The following ZNF680 variants were observed in gnomAD, a reference collection of about 807,000 sequenced individuals.
ZNF680 encodes the protein hypothetical protein FLJ90430.
ZNF680 carries 6 observed loss-of-function variants against 12.1 expected under a neutral mutation model. The ratio of observed to expected loss-of-function variants is 0.49; its 90% CI spans 0.27 to 0.98. ZNF680 has a LOEUF of 0.98. Ranked by LOEUF, ZNF680 falls within the 50% of genes least tolerant of loss-of-function variation. The pLI, the probability that ZNF680 is intolerant of heterozygous loss-of-function variation, is 0.12. For missense variants in ZNF680, 561 were observed against 616.3 expected, an observed-to-expected ratio of 0.91 and a Z score of 0.95; for synonymous variants, 170 against 199.3, an observed-to-expected ratio of 0.85 and a Z score of 1.24.
At chr7:64,552,913 G>A (rs1390367011) in intron 1 of ZNF680, among the ~76,000 whole-genome samples, 2 of 152,148 alleles carry the variant, frequency 1.3e-5, no homozygotes, top group Admixed American at 1.3e-4. Flanking sequence ...ATCACCTGAG[G>A]TCAGGAGTTC....
In ZNF680 at chr7:64,521,190, T is replaced by C; in HGVS notation, c.1564A>G (p.Lys522Glu). 6.2e-7 allele frequency: 1 copy of C among 1,609,860 alleles called. No individual in the cohort carries two copies. The change falls in exon 4 of 4, where the codon AAA (lysine) becomes GAA (glutamate). Residue 522 changes from lysine (K) to glutamate (E), a missense_variant. By Grantham distance (56) the Lys-to-Glu change is moderately conservative (BLOSUM62 1). Transcript: ENST00000309683. Reference sequence around the variant, plus strand: ...GTGTTATCAAAATTATTGTCACATTTTTCAGGTTTGTAGAGTTTCTCACCA... The same window carrying C: ...GTGTTATCAAAATTATTGTCACATTCTTCAGGTTTGTAGAGTTTCTCACCA... Reference protein sequence around the residue: ...HTGEKLYKPEKCDNNFDNT With the variant: ...HTGEKLYKPEECDNNFDNT
intron 1 of ZNF680, among the ~76,000 whole-genome samples, chr7:64,548,673 C>T (rs1468571590): frequency 1.3e-5 from 2 of 152,050 alleles, no homozygotes; most frequent in East Asian, 1.9e-4. Flanking sequence ...GAGACAGAAG[C>T]ATAATTAACC....
intron 3 of ZNF680, among the ~76,000 whole-genome samples, chr7:64,531,611 A>AAAC: frequency 6.6e-6 from 1 of 151,752 alleles, no homozygotes; most frequent in Non-Finnish European, 1.5e-5. Context: ...AAAAAAAAAA[A>AAAC]AAAACCTAGA....
chr7:64,507,543 G>C, the ZNF680 span, among the ~76,000 whole-genome samples: 2 of 148,838 alleles, frequency 1.3e-5, no homozygotes, highest in Non-Finnish European at 3.0e-5. Context: ...ACGGAGTTTC[G>C]CTCTTGTCAC....
chr7:64,499,149 T>TAA, the ZNF680 span, among the ~76,000 whole-genome samples: 1 of 152,180 alleles, frequency 6.6e-6, no homozygotes, highest in Non-Finnish European at 1.5e-5. Flanking sequence ...ATACACCCAC[T>TAA]AAACTATAAT....
chr7:64,560,809 C>CAA (rs34903742), intron 1 of ZNF680: 32,100 of 126,132 alleles, frequency 0.25, 3,630 homozygotes, highest in South Asian at 0.31. Flanking sequence ...GAGACTGTCT[C>CAA]AAAAAAAAAA....
chr7:64,506,717 T>G, the ZNF680 span, among the ~76,000 whole-genome samples: 2 of 152,206 alleles, frequency 1.3e-5, no homozygotes, highest in Admixed American at 6.5e-5. Flanking sequence ...TTAAAATAAT[T>G]ATTTTCTGTT....
At chr7:64,536,533 C>T (rs76888388) in intron 3 of ZNF680, among the ~76,000 whole-genome samples, 84 of 152,250 alleles carry the variant, frequency 5.5e-4, no homozygotes, top group Middle Eastern at 3.4e-3. Context: ...ACGAGGATGG[C>T]GTCATGCCAT....
At chr7:64,562,664 G>A (rs1378218320) in intron 1 of ZNF680, among the ~76,000 whole-genome samples, 2 of 152,246 alleles carry the variant, frequency 1.3e-5, no homozygotes, top group Non-Finnish European at 2.9e-5. Flanking sequence ...ATGCGGCACT[G>A]CGGGTGCAGA....
In ZNF680 at chr7:64,520,552, T is replaced by C. The variant is rs564643608; in HGVS notation, c.*609A>G. 3 of 152,002 alleles carry C rather than the reference T, an allele frequency of 2.0e-5. No homozygotes were observed. The highest frequency in any genetic ancestry group is 2.0e-4 in the Admixed American group (3 of 15,276). The allele number at this position is 152,002 out of a possible 1,614,324, so 9.4% of individuals were successfully genotyped here. The stretch of plus-strand genomic sequence containing the variant: ...TGGATTAAATATTTTTCATACTTAC[T>C]GCATCTGCAAAAACACATTTCAATA... On this transcript the variant is annotated 3_prime_UTR_variant, in exon 4 of 4. Transcript: ENST00000309683.
rs1281954023 is a variant in ZNF680 at position 64,521,889 on chromosome 7, T to C, written c.865A>G (p.Thr289Ala). 2 of 1,613,424 alleles carry C rather than the reference T, an allele frequency of 1.2e-6. No individual in the cohort carries two copies. Among genetic ancestry groups the C allele is most frequent in the Admixed American group, 1.7e-5 (1 of 59,956 alleles). The change falls in exon 4 of 4, where the codon ACT (threonine) becomes GCT (alanine). Residue 289 changes from threonine to alanine, a missense_variant. Coordinates refer to ENST00000309683, the MANE Select transcript of ZNF680 (RefSeq NM_178558.5). ...TCACATTTGTAAGGTTTGTCTCCAG[T>C]ATGAATTATCTTATGTTTACTAAGG... The part of the protein sequence containing the change: ...SILSKHKIIH[T>A]GDKPYKCDEC...
At chr7:64,536,569 C>T (rs965685548) in intron 3 of ZNF680, among the ~76,000 whole-genome samples, 11 of 152,286 alleles carry the variant, frequency 7.2e-5, no homozygotes, top group African/African-American at 2.6e-4. Context: ...CCCCATGACC[C>T]AAACACCTCC....
Position 64,522,224 on chromosome 7 carries a change from G to A in ZNF680, c.530C>T (p.Thr177Ile). 1 of 1,612,064 alleles carries A rather than the reference G, an allele frequency of 6.2e-7. No individual in the cohort carries two copies. Among genetic ancestry groups the A allele is most frequent in the Non-Finnish European group, 8.5e-7 (1 of 1,178,804 alleles). ...SNSNSHKKRN[T>I]GKKVFKCKEC... The stretch of plus-strand genomic sequence containing the variant: ...TTTACATTTGAAAACCTTCTTTCCA[G>A]TATTTCTTTTCTTATGACTGTTTGA... The change falls in exon 4 of 4, where the codon ACT (threonine) becomes ATT (isoleucine). Residue 177 changes from threonine (T) to isoleucine (I), a missense_variant. Coordinates refer to ENST00000309683, the MANE Select transcript of ZNF680 (RefSeq NM_178558.5).
chr7:64,527,014 G>A (rs1001850546), intron 3 of ZNF680, among the ~76,000 whole-genome samples: 1 of 152,182 alleles, frequency 6.6e-6, no homozygotes, highest in Non-Finnish European at 1.5e-5. Flanking sequence ...GAGGTGGGCC[G>A]ATCACCTGAG....
the ZNF680 span, among the ~76,000 whole-genome samples, chr7:64,508,524 AC>A: frequency 6.6e-6 from 1 of 152,148 alleles, no homozygotes; most frequent in Non-Finnish European, 1.5e-5. Flanking sequence ...TACACTCGCT[AC>A]GTGACTAAAA....
At chr7:64,527,884 G>T (rs909539216) in intron 3 of ZNF680, among the ~76,000 whole-genome samples, 2 of 152,168 alleles carry the variant, frequency 1.3e-5, no homozygotes, top group African/African-American at 4.8e-5. Context: ...CAGAATAACT[G>T]CAGGAATAAA....
chr7:64,530,412 A>C (rs933971880), intron 3 of ZNF680, among the ~76,000 whole-genome samples: 10 of 152,202 alleles, frequency 6.6e-5, no homozygotes, highest in Non-Finnish European at 1.3e-4. Flanking sequence ...GATGCCTTCA[A>C]GAGACTAACT....
chr7:64,510,249 A>G, the ZNF680 span, among the ~76,000 whole-genome samples: 1 of 151,606 alleles, frequency 6.6e-6, no homozygotes, highest in African/African-American at 2.4e-5. Flanking sequence ...AAAACTTTCT[A>G]ATATGCATTT....
intron 3 of ZNF680, among the ~76,000 whole-genome samples, chr7:64,527,328 A>C (rs1206644374): frequency 6.6e-6 from 1 of 152,180 alleles, no homozygotes; most frequent in Non-Finnish European, 1.5e-5. Context: ...CACATAAAAC[A>C]ATAACAATAA....
Sources: allele counts gnomAD v4.1 joint callset (sites outside exome capture counted in the v4.1 genomes callset), GRCh38; gene constraint gnomAD v4.1.1; transcripts MANE v1.5; gene names NCBI Gene and HGNC (gene_info 2026-07-23, HGNC 2026-07-21).